The following GPC5 variants were observed in gnomAD, a reference collection of about 807,000 sequenced individuals.
GPC5 encodes the protein glypican-5.
Under a neutral mutation model 53.9 loss-of-function variants are expected in GPC5, and 47 were observed. That is an observed-to-expected ratio of 0.87 (90% confidence interval 0.69 to 1.11). The LOEUF is 1.11. GPC5 is among the 50% of genes most tolerant of loss of function. GPC5 has a pLI of 0.00. For missense variants in GPC5, 748 were observed against 713.1 expected, an observed-to-expected ratio of 1.05 and a Z score of -0.56; for synonymous variants, 286 against 263.3, an observed-to-expected ratio of 1.09 and a Z score of -0.84.
chr13:92,729,115 G>A (rs1263691410), intron 7 of GPC5, among the ~76,000 whole-genome samples: 1 of 151,010 alleles, frequency 6.6e-6, no homozygotes, highest in Non-Finnish European at 1.5e-5. Flanking sequence ...CTCTTCACTT[G>A]GACTGCCCTT....
intron 6 of GPC5, among the ~76,000 whole-genome samples, chr13:92,011,161 CAG>C (rs2040657965): frequency 6.6e-6 from 1 of 152,108 alleles, no homozygotes; most frequent in African/African-American, 2.4e-5. Flanking sequence ...CATTAGAAGA[CAG>C]AATGTGCAAA....
intron 2 of GPC5, among the ~76,000 whole-genome samples, chr13:91,664,304 A>C (rs1313821385): frequency 1.3e-5 from 2 of 152,236 alleles, no homozygotes; most frequent in Non-Finnish European, 2.9e-5. Context: ...TGTTCCAGCC[A>C]GAGGGAAAGC....
intron 7 of GPC5, among the ~76,000 whole-genome samples, chr13:92,331,229 A>G (rs147980868): frequency 9.9e-5 from 15 of 152,250 alleles, no homozygotes; most frequent in African/African-American, 3.6e-4. Flanking sequence ...ACACATGACT[A>G]TATCCTAGGT....
chr13:92,839,251 A>C (rs1566440125), intron 7 of GPC5, among the ~76,000 whole-genome samples: 2 of 152,196 alleles, frequency 1.3e-5, no homozygotes, highest in Non-Finnish European at 2.9e-5. Flanking sequence ...TGAAATCAAA[A>C]TCCTTCTAGT....
chr13:91,774,089 G>C (rs1436529068), intron 5 of GPC5, among the ~76,000 whole-genome samples: 19 of 152,094 alleles, frequency 1.2e-4, no homozygotes, highest in Non-Finnish European at 8.8e-5. Flanking sequence ...TCAGCTTCCT[G>C]AAGATTTCAC....
intron 7 of GPC5, among the ~76,000 whole-genome samples, chr13:92,310,178 T>C (rs897927799): frequency 2.6e-5 from 4 of 152,136 alleles, no homozygotes; most frequent in African/African-American, 9.6e-5. Context: ...CATTCATTTG[T>C]TGATGGACAC....
intron 7 of GPC5, among the ~76,000 whole-genome samples, chr13:92,842,341 G>A (rs147368394): frequency 4.6e-5 from 7 of 152,148 alleles, no homozygotes; most frequent in African/African-American, 1.2e-4. Context: ...TTGCCTTCTC[G>A]AGGTCCTTTG....
intron 7 of GPC5, among the ~76,000 whole-genome samples, chr13:92,816,281 A>T (rs749680382): frequency 2.6e-5 from 4 of 152,092 alleles, no homozygotes; most frequent in Non-Finnish European, 5.9e-5. Flanking sequence ...GAACTCAGCC[A>T]TGTAACTCTG....
chr13:91,746,285 C>T (rs1389240871), intron 4 of GPC5, among the ~76,000 whole-genome samples: 1 of 152,058 alleles, frequency 6.6e-6, no homozygotes, highest in African/African-American at 2.4e-5. Context: ...AAACAGTGTG[C>T]TAGGCATTGC....
chr13:92,627,667 A>G (rs2067884527), intron 7 of GPC5, among the ~76,000 whole-genome samples: 1 of 152,198 alleles, frequency 6.6e-6, no homozygotes, highest in Non-Finnish European at 1.5e-5. Flanking sequence ...AATTATACGA[A>G]AGGTTTCTTT....
intron 6 of GPC5, among the ~76,000 whole-genome samples, chr13:92,022,014 T>A (rs2138791982): frequency 6.6e-6 from 1 of 152,306 alleles, no homozygotes; most frequent in Admixed American, 6.5e-5. Context: ...TTATTTATTT[T>A]TTTCAGACAG....
chr13:92,703,880 T>C (rs1887851204), intron 7 of GPC5, among the ~76,000 whole-genome samples: 1 of 151,964 alleles, frequency 6.6e-6, no homozygotes, highest in Non-Finnish European at 1.5e-5. Context: ...CACATGGGAA[T>C]TCATTTAATA....
intron 7 of GPC5, among the ~76,000 whole-genome samples, chr13:92,667,302 G>A (rs1886608830): frequency 6.6e-6 from 1 of 152,070 alleles, no homozygotes; most frequent in Non-Finnish European, 1.5e-5. Context: ...TAGAGAGGGA[G>A]ACGAATTGGA....
chr13:92,383,735 A>C (rs968768615), intron 7 of GPC5, among the ~76,000 whole-genome samples: 1 of 152,216 alleles, frequency 6.6e-6, no homozygotes, highest in African/African-American at 2.4e-5. Flanking sequence ...AAGATACATC[A>C]ATTAATGACT....
At chr13:91,869,186 A>G (rs1177233843) in intron 5 of GPC5, among the ~76,000 whole-genome samples, 1 of 152,090 alleles carries the variant, frequency 6.6e-6, no homozygotes, top group African/African-American at 2.4e-5. Context: ...CAGCCTCCCA[A>G]GTAGCTGGGA....
Position 92,351,735 on chromosome 13 carries a change from T to C in GPC5, c.1561+206746T>C, listed in dbSNP as rs1425768575. Among the ~76,000 whole-genome samples the C allele has an allele frequency of 2.0e-4, 30 of 152,072 alleles. 1 individual carries two copies. Among genetic ancestry groups the C allele is most frequent in the Admixed American group, 2.0e-3 (30 of 15,264 alleles). On this transcript the variant is annotated intron_variant, in intron 7 of 7. Coordinates refer to ENST00000377067, the MANE Select transcript of GPC5 (RefSeq NM_004466.6). ...AAAGGCAGCAAACTAGAAAGTTTAATTAAAGATAATATATAACTTAAAATT... is the reference window on the plus strand; with the variant it reads ...AAAGGCAGCAAACTAGAAAGTTTAACTAAAGATAATATATAACTTAAAATT...
chr13:92,612,943 C>T (rs1174741523), intron 7 of GPC5, among the ~76,000 whole-genome samples: 1 of 151,852 alleles, frequency 6.6e-6, no homozygotes, highest in Non-Finnish European at 1.5e-5. Flanking sequence ...AAACACCTTA[C>T]ATGTATTAAT....
intron 2 of GPC5, among the ~76,000 whole-genome samples, chr13:91,498,090 T>TC (rs1366190195): frequency 6.6e-6 from 1 of 150,712 alleles, no homozygotes; most frequent in Non-Finnish European, 1.5e-5. Context: ...AATCTTAGAT[T>TC]TTTTTTTTCT....
chr13:91,883,040 T>C (rs1182298231), intron 5 of GPC5, among the ~76,000 whole-genome samples: 1 of 152,148 alleles, frequency 6.6e-6, no homozygotes, highest in African/African-American at 2.4e-5. Context: ...TCCAGCAGGA[T>C]TCATCTGAGT....
Sources: allele counts gnomAD v4.1 joint callset (sites outside exome capture counted in the v4.1 genomes callset), GRCh38; gene constraint gnomAD v4.1.1; transcripts MANE v1.5; gene names NCBI Gene and HGNC (gene_info 2026-07-23, HGNC 2026-07-21).